ANKRD28: variants seen among roughly 807,000 people sequenced by gnomAD.
ANKRD28 encodes ankyrin repeat domain 28.
ANKRD28 carries 44 observed loss-of-function variants against 126.5 expected under a neutral mutation model. The observed-to-expected ratio is 0.35, with a 90% confidence interval of 0.27 to 0.45. The LOEUF is 0.45. Among genes scored for constraint, ANKRD28 ranks in the 20% least tolerant of loss-of-function variants. The pLI is 1.00. For missense variants in ANKRD28, 1,110 were observed against 1,316.6 expected (o/e 0.84, Z 2.43); for synonymous variants, 442 against 468.5 (o/e 0.94, Z 0.73).
At chr3:15,703,997 T>C (rs558652319) in intron 14 of ANKRD28, among the ~76,000 whole-genome samples, 12 of 152,086 alleles carry the variant, frequency 7.9e-5, no homozygotes, top group Non-Finnish European at 1.2e-4. Flanking sequence ...TTCCTTATAA[T>C]CAGGAAAAAC....
intron 2 of ANKRD28, among the ~76,000 whole-genome samples, chr3:15,770,186 A>G (rs768954470): frequency 2.6e-4 from 39 of 152,156 alleles, no homozygotes; most frequent in South Asian, 6.2e-4. Flanking sequence ...ACTACCTCTG[A>G]CAGACAACTG....
intron 14 of ANKRD28, 135 bp from the exon 15 acceptor site, chr3:15,696,380 T>A: frequency 1.8e-6 from 1 of 544,950 alleles, no homozygotes; most frequent in Non-Finnish European, 3.2e-6. Flanking sequence ...TATTACACTA[T>A]AAAAATGTCA....
At chr3:15,793,989 G>T (rs979218038) in intron 2 of ANKRD28, among the ~76,000 whole-genome samples, 1 of 152,162 alleles carries the variant, frequency 6.6e-6, no homozygotes, top group African/African-American at 2.4e-5. Flanking sequence ...AGAATCGCTT[G>T]AACCCGGGAG....
intron 3 of ANKRD28, among the ~76,000 whole-genome samples, chr3:15,757,176 T>G (rs2058207078): frequency 6.6e-6 from 1 of 152,262 alleles, no homozygotes; most frequent in East Asian, 1.9e-4. Context: ...ATACAGTATA[T>G]AATACATATA....
intron 2 of ANKRD28, among the ~76,000 whole-genome samples, chr3:15,768,654 G>A (rs1020011512): frequency 2.6e-5 from 4 of 151,824 alleles, no homozygotes; most frequent in African/African-American, 7.3e-5. Flanking sequence ...CTTCTCTGGC[G>A]GGGGGCGGCG....
At chr3:15,722,808 T>A (rs1249698571) in intron 7 of ANKRD28, among the ~76,000 whole-genome samples, 1 of 152,174 alleles carries the variant, frequency 6.6e-6, no homozygotes, top group East Asian at 1.9e-4. Flanking sequence ...AGATTCTCCC[T>A]CAGAGCCTCC....
At chr3:15,731,234 A>G (rs965861688) in intron 6 of ANKRD28, among the ~76,000 whole-genome samples, 4 of 152,240 alleles carry the variant, frequency 2.6e-5, no homozygotes, top group South Asian at 2.1e-4. Flanking sequence ...CCCTTGAAAT[A>G]CACACATTCA....
At chr3:15,847,069 C>T (rs567499844) in intron 1 of ANKRD28, among the ~76,000 whole-genome samples, 14 of 152,142 alleles carry the variant, frequency 9.2e-5, no homozygotes, top group African/African-American at 3.4e-4. Context: ...GGGGCATTAC[C>T]CCCAGAAGAT....
At chr3:15,767,508 A>C (rs946326251) in intron 2 of ANKRD28, among the ~76,000 whole-genome samples, 1 of 151,902 alleles carries the variant, frequency 6.6e-6, no homozygotes, top group Non-Finnish European at 1.5e-5. Flanking sequence ...GTGTGGACCA[A>C]TGGTATGTGA....
intron 14 of ANKRD28, among the ~76,000 whole-genome samples, chr3:15,697,663 T>C (rs1235768032): frequency 1.3e-5 from 2 of 152,178 alleles, no homozygotes; most frequent in Non-Finnish European, 2.9e-5. Flanking sequence ...CAGTATTTTA[T>C]TGAGGATTTT....
intron 14 of ANKRD28, among the ~76,000 whole-genome samples, chr3:15,706,375 A>G (rs1329489224): frequency 0.023 from 4 of 176 alleles, no homozygotes; most frequent in East Asian, 0.17. Context: ...TTTGCTCAGA[A>G]TGATGTTTCC....
intron 2 of ANKRD28, among the ~76,000 whole-genome samples, chr3:15,777,099 C>A (rs558904657): frequency 1.6e-3 from 249 of 152,044 alleles, no homozygotes; most frequent in Non-Finnish European, 2.6e-3. Context: ...CGTGGTGAAA[C>A]CCCATCTCTA....
At chr3:15,836,805 G>T (rs541042144) in intron 1 of ANKRD28, among the ~76,000 whole-genome samples, 1 of 152,190 alleles carries the variant, frequency 6.6e-6, no homozygotes, top group Non-Finnish European at 1.5e-5. Flanking sequence ...GGCCAGGCGT[G>T]GTGGCTCACG....
At chr3:15,712,017 G>A in intron 11 of ANKRD28, 123 bp downstream of exon 11, 1 of 746,252 alleles carries the variant, frequency 1.3e-6, no homozygotes, top group South Asian at 1.7e-5. Flanking sequence ...CGTTCTAAAA[G>A]GGGTTATTAA....
intron 1 of ANKRD28, among the ~76,000 whole-genome samples, chr3:15,836,550 A>G (rs1259914896): frequency 6.6e-6 from 1 of 152,194 alleles, no homozygotes; most frequent in Non-Finnish European, 1.5e-5. Context: ...ATTGGATTTA[A>G]AAAGCAATAC....
intron 4 of ANKRD28, among the ~76,000 whole-genome samples, chr3:15,744,606 C>T (rs1374174815): frequency 1.3e-5 from 2 of 152,066 alleles, no homozygotes; most frequent in South Asian, 2.1e-4. Context: ...CGTGAGCCAC[C>T]GCGCCTGGCC....
intron 8 of ANKRD28, among the ~76,000 whole-genome samples, chr3:15,716,301 C>A (rs1162022729): frequency 8.1e-6 from 1 of 124,020 alleles, no homozygotes; most frequent in African/African-American, 3.1e-5. Context: ...TTTTTTTTTT[C>A]CCTTAAAGAG....
intron 8 of ANKRD28, among the ~76,000 whole-genome samples, chr3:15,715,463 A>T (rs749167931): frequency 2.0e-5 from 3 of 152,254 alleles, no homozygotes; most frequent in Non-Finnish European, 2.9e-5. Flanking sequence ...TTAGAACATC[A>T]TAAGTATCTA....
chr3:15,793,815 C>T (rs2060143009), intron 2 of ANKRD28, among the ~76,000 whole-genome samples: 1 of 152,200 alleles, frequency 6.6e-6, no homozygotes, highest in Admixed American at 6.5e-5. Context: ...CCTGTAATCC[C>T]AGCACTTTGG....
Sources: gnomAD v4.1 joint callset for allele counts (sites outside exome capture counted in the v4.1 genomes callset) on GRCh38, gnomAD v4.1.1 for gene constraint, MANE v1.5 for transcripts, NCBI Gene and HGNC (gene_info 2026-07-23, HGNC 2026-07-21) for gene names.